The following EML1 variants were observed in gnomAD, a reference collection of about 807,000 sequenced individuals.
EML1 encodes echinoderm microtubule-associated protein-like 1.
In EML1, 27 loss-of-function variants were observed where a neutral mutation model predicts 110.4. The ratio of observed to expected loss-of-function variants is 0.24; its 90% CI spans 0.18 to 0.34. The LOEUF (loss-of-function observed/expected upper bound fraction) is 0.34. Among genes scored for constraint, EML1 ranks in the 10% least tolerant of loss-of-function variants. The probability of loss-of-function intolerance (pLI) is 1.00; values close to 1 mark genes in which losing one functional copy is unlikely to be tolerated. For synonymous variants in EML1, 344 were observed against 385.8 expected, an observed-to-expected ratio of 0.89 and a Z score of 1.27; for missense variants, 741 against 1,030.9, an observed-to-expected ratio of 0.72 and a Z score of 3.85.
At chr14:99,762,111 T>C (rs2057320396) in intron 1 of EML1, among the ~76,000 whole-genome samples, 1 of 152,080 alleles carries the variant, frequency 6.6e-6, no homozygotes, top group South Asian at 2.1e-4. Context: ...GGAAAGGGGC[T>C]TTACATAAAT....
At chr14:99,794,734 T>C (rs2139666996) in intron 1 of EML1, among the ~76,000 whole-genome samples, 1 of 152,340 alleles carries the variant, frequency 6.6e-6, no homozygotes, top group South Asian at 2.1e-4. Context: ...TCAGTGGAAT[T>C]AAAGAAAGTT....
At chr14:99,911,189 G>A (rs1008718510) in intron 12 of EML1, among the ~76,000 whole-genome samples, 3 of 152,130 alleles carry the variant, frequency 2.0e-5, no homozygotes, top group Admixed American at 6.5e-5. Flanking sequence ...GCCGCGTGGT[G>A]CTTCAACCAT....
At chr14:99,891,175 A>G (rs745552043) in intron 4 of EML1, 24 bp from the exon 5 acceptor site, 9 of 1,614,030 alleles carry the variant, frequency 5.6e-6, no homozygotes, top group Non-Finnish European at 7.6e-6. Flanking sequence ...CCCTTTAAAA[A>G]CTGTTTTTCG....
chr14:99,849,497 G>A (rs967504417), intron 1 of EML1, among the ~76,000 whole-genome samples: 2 of 146,426 alleles, frequency 1.4e-5, no homozygotes, highest in South Asian at 2.2e-4. Context: ...ATAATTGTGT[G>A]TGTGTATTTG....
At chr14:99,895,579 C>T (rs1265533297) in intron 6 of EML1, among the ~76,000 whole-genome samples, 1 of 152,108 alleles carries the variant, frequency 6.6e-6, no homozygotes, top group African/African-American at 2.4e-5. Context: ...GAGGGGTACT[C>T]TGAAAGGAGG....
chr14:99,904,612 T>C (rs2059813883), intron 9 of EML1, among the ~76,000 whole-genome samples: 1 of 152,214 alleles, frequency 6.6e-6, no homozygotes, highest in Admixed American at 6.5e-5. Context: ...ACATAATACA[T>C]GTAAATACAC....
chr14:99,882,835 AC>A (rs1204973848), intron 4 of EML1, among the ~76,000 whole-genome samples: 1 of 148,772 alleles, frequency 6.7e-6, no homozygotes, highest in African/African-American at 2.6e-5. Context: ...AAAAAAAAAA[AC>A]CCACCTCAAA....
At chr14:99,754,400 T>TG (rs1253765432) in intron 1 of EML1, among the ~76,000 whole-genome samples, 1 of 152,086 alleles carries the variant, frequency 6.6e-6, no homozygotes, top group Non-Finnish European at 1.5e-5. Context: ...TTTGAAGCTA[T>TG]GGGAGTCCTC....
chr14:99,789,655 G>A (rs763724409), upstream of EML1, among the ~76,000 whole-genome samples: 2 of 152,126 alleles, frequency 1.3e-5, no homozygotes, highest in African/African-American at 4.8e-5. Context: ...GTAGAGTGTT[G>A]GATTAAACAA....
At chr14:99,819,834 G>C (rs1051295901) in intron 1 of EML1, among the ~76,000 whole-genome samples, 1 of 152,350 alleles carries the variant, frequency 6.6e-6, no homozygotes, top group African/African-American at 2.4e-5. Context: ...TCACTGGGCT[G>C]GGGGAGGGCT....
At chr14:99,811,971 G>A (rs1294639913) in intron 1 of EML1, among the ~76,000 whole-genome samples, 1 of 151,904 alleles carries the variant, frequency 6.6e-6, no homozygotes, top group East Asian at 1.9e-4. Context: ...AGGAAGGGTT[G>A]GTCTTGCTGT....
chr14:99,792,743 CCT>C (rs1278968370), upstream of EML1: 4 of 152,300 alleles, frequency 2.6e-5, no homozygotes, highest in Non-Finnish European at 5.9e-5. Context: ...ACCAGGATAG[CCT>C]CTCTGGCCCA....
At chr14:99,830,891 G>A (rs973856273) in intron 1 of EML1, among the ~76,000 whole-genome samples, 40 of 152,124 alleles carry the variant, frequency 2.6e-4, no homozygotes, top group African/African-American at 9.7e-4. Context: ...TCAGACTGCC[G>A]ATAATGTAGG....
intron 17 of EML1, 115 bp downstream of exon 17, chr14:99,920,992 G>A: frequency 1.1e-6 from 1 of 947,572 alleles, no homozygotes; most frequent in Non-Finnish European, 1.6e-6. Flanking sequence ...TGCCATGGTG[G>A]TTTAACGCAC....
chr14:99,830,663 G>A (rs779323659), intron 1 of EML1, among the ~76,000 whole-genome samples: 2 of 152,032 alleles, frequency 1.3e-5, no homozygotes. Flanking sequence ...CAATTCTCCT[G>A]CCTCAGCCTC....
intron 5 of EML1, chr14:99,892,037 T>TG (rs532804787): frequency 1.7e-6 from 1 of 581,564 alleles, no homozygotes; most frequent in Non-Finnish European, 2.2e-6. Context: ...ATTTTAAGAC[T>TG]GGGGGGCAGG....
At position 99,916,782 on chromosome 14, in the gene EML1, G is replaced by A. The variant is rs543460503; in HGVS notation, c.1753-1000G>A. On this transcript the variant is annotated intron_variant, in intron 15 of 21. Coordinates refer to ENST00000262233, the MANE Select transcript of EML1 (RefSeq NM_004434.3). The stretch of plus-strand genomic sequence containing the variant: ...CTTCACCATGGTCCAAAAAACGACT[G>A]GAGTGGCCACATCTCACCTTCACCA... Among the ~76,000 whole-genome samples, 31 of 152,288 alleles carry A rather than the reference G, an allele frequency of 2.0e-4. 1 individual carries two copies. In the Middle Eastern group the frequency reaches 0.014, roughly 67 times the overall value.
chr14:99,788,307 AT>A (rs1408454723), intron 1 of EML1, among the ~76,000 whole-genome samples: 1 of 152,220 alleles, frequency 6.6e-6, no homozygotes, highest in Non-Finnish European at 1.5e-5. Context: ...ACAACAAGAA[AT>A]GCCTTGTATT....
At chr14:99,830,007 C>T (rs2058422697) in intron 1 of EML1, among the ~76,000 whole-genome samples, 1 of 152,150 alleles carries the variant, frequency 6.6e-6, no homozygotes, top group Non-Finnish European at 1.5e-5. Flanking sequence ...GCGTGTCTAC[C>T]TAGGAGTAGA....
Sources: gnomAD v4.1 joint callset for allele counts (sites outside exome capture counted in the v4.1 genomes callset) on GRCh38, gnomAD v4.1.1 for gene constraint, MANE v1.5 for transcripts, NCBI Gene and HGNC (gene_info 2026-07-23, HGNC 2026-07-21) for gene names.